Variants in SLCO5A1 observed in about 807,000 individuals in gnomAD.
SLCO5A1 encodes solute carrier organic anion transporter family member 5A1.
A neutral mutation model predicts 65.1 loss-of-function variants in SLCO5A1; 39 were observed. The ratio of observed to expected loss-of-function variants is 0.60; its 90% CI spans 0.46 to 0.78. The LOEUF is 0.78. Among genes scored for constraint, SLCO5A1 ranks in the 30% least tolerant of loss-of-function variants. The pLI is 0.00. For missense variants in SLCO5A1, 1,029 were observed against 1,069.4 expected, an observed-to-expected ratio of 0.96 and a Z score of 0.53; for synonymous variants, 438 against 415.7, an observed-to-expected ratio of 1.05 and a Z score of -0.65.
chr8:69,687,740 CAT>C (rs1814064244), intron 6 of SLCO5A1, among the ~76,000 whole-genome samples: 3 of 152,042 alleles, frequency 2.0e-5, no homozygotes, highest in Admixed American at 2.0e-4. Context: ...ACATTAATAA[CAT>C]ATTGCTACCA....
intron 2 of SLCO5A1, among the ~76,000 whole-genome samples, chr8:69,789,345 C>T (rs1032729810): frequency 6.6e-6 from 1 of 152,150 alleles, no homozygotes; most frequent in East Asian, 1.9e-4. Flanking sequence ...AAATTAAAAC[C>T]TAGGAGAATA....
rs973349244 is a variant in SLCO5A1 at position 69,667,057 on chromosome 8, C to A, written c.*5812G>T. 6.6e-6 allele frequency: 1 copy of A among 152,196 alleles called. No homozygotes were observed. The allele number at this position is 152,196 out of a possible 1,614,324, so 9.4% of individuals were successfully genotyped here. On this transcript the variant is annotated 3_prime_UTR_variant, in exon 10 of 10. Transcript: ENST00000260126. Reference sequence around the variant, plus strand: ...TAGAAACAATTTCATTTCAGTCCAACACACTTTATTCATTTTTAACTTTTT... The same window carrying A: ...TAGAAACAATTTCATTTCAGTCCAAAACACTTTATTCATTTTTAACTTTTT...
At chr8:69,697,991 C>T (rs141366830) in intron 6 of SLCO5A1, among the ~76,000 whole-genome samples, 1 of 152,104 alleles carries the variant, frequency 6.6e-6, no homozygotes, top group South Asian at 2.1e-4. Flanking sequence ...ACTCAATGGG[C>T]AGTTTTTCCA....
chr8:69,721,646 G>A (rs892744973), intron 5 of SLCO5A1, among the ~76,000 whole-genome samples: 1 of 152,102 alleles, frequency 6.6e-6, no homozygotes, highest in Non-Finnish European at 1.5e-5. Context: ...TTTTGAAGGA[G>A]CAGGTGCTCA....
chr8:69,815,686 AC>A (rs1820376238), intron 2 of SLCO5A1, among the ~76,000 whole-genome samples: 1 of 150,734 alleles, frequency 6.6e-6, no homozygotes, highest in Non-Finnish European at 1.5e-5. Flanking sequence ...ACACACACAC[AC>A]ACAAAATTAC....
intron 6 of SLCO5A1, among the ~76,000 whole-genome samples, chr8:69,682,826 G>C (rs535652847): frequency 6.6e-6 from 1 of 152,008 alleles, no homozygotes; most frequent in Non-Finnish European, 1.5e-5. Context: ...ACGTTCCTTC[G>C]ACCAAAAACT....
chr8:69,832,501 T>A lies in SLCO5A1; in HGVS notation c.173A>T (p.Asn58Ile), dbSNP rs753631880. ...PSLSPTSGDANPAFGCVDSSG... is the reference protein window; with the variant it reads ...PSLSPTSGDAIPAFGCVDSSG... The stretch of plus-strand genomic sequence containing the variant: ...AGAATCCACACAGCCAAAGGCCGGG[T>A]TGGCGTCTCCACTAGTGGGACTGAG... The change falls in exon 2 of 10, where the codon AAC becomes ATC. Residue 58 changes from asparagine (N) to isoleucine (I), a missense_variant. This residue lies in a region of SLCO5A1 where 647 missense variants were observed against 647.5 expected (regional missense o/e 1.00). Coordinates refer to ENST00000260126, the MANE Select transcript of SLCO5A1 (RefSeq NM_030958.3). This position sits in a 1 kb window ranked among gnomAD's most constrained non-coding sequence, Gnocchi z 4.5. 1 of 1,610,024 alleles carries A rather than the reference T, an allele frequency of 6.2e-7. No homozygotes were observed. The highest frequency in any genetic ancestry group is 8.5e-7 in the Non-Finnish European group (1 of 1,178,468).
At chr8:69,769,288 T>C (rs16936421) in intron 2 of SLCO5A1, among the ~76,000 whole-genome samples, 3,868 of 151,590 alleles carry the variant, frequency 0.026, 160 homozygotes, top group African/African-American at 0.089. Context: ...CACCCATTCA[T>C]CACTTTTTTC....
intron 2 of SLCO5A1, among the ~76,000 whole-genome samples, chr8:69,788,503 T>C (rs899564422): frequency 6.6e-6 from 1 of 152,162 alleles, no homozygotes; most frequent in African/African-American, 2.4e-5. Context: ...ATCCAAATCA[T>C]GCCAACTCAG....
intron 3 of SLCO5A1, among the ~76,000 whole-genome samples, chr8:69,756,336 C>T (rs1450086072): frequency 6.6e-6 from 1 of 151,960 alleles, no homozygotes; most frequent in Non-Finnish European, 1.5e-5. Flanking sequence ...ACTTGGGAGG[C>T]GGATGTTGCA....
At chr8:69,695,433 T>G (rs901186081) in intron 6 of SLCO5A1, among the ~76,000 whole-genome samples, 13 of 152,020 alleles carry the variant, frequency 8.6e-5, no homozygotes, top group Non-Finnish European at 1.8e-4. Flanking sequence ...GGGGCGGAGG[T>G]TGCAGTGAGC....
rs138620020 is a variant in SLCO5A1, at chr8:69,705,191, G to C, written c.1462C>G (p.Leu488Val). ...IVPSAGVGIV[L>V]GGYIIKKLKL... is the part of the protein sequence containing the mutation. ...AATTTTTTTATAATGTAGCCTCCGAGGACAATACCAACACCAGCACTGGGG... is the reference window on the plus strand; with the variant it reads ...AATTTTTTTATAATGTAGCCTCCGACGACAATACCAACACCAGCACTGGGG... Residue 488 changes from leucine to valine, a missense_variant, in exon 6 of 10, where the codon CTC becomes GTC. Coordinates refer to ENST00000260126, the MANE Select transcript of SLCO5A1 (RefSeq NM_030958.3). The C allele has an allele frequency of 1.1e-5, 18 of 1,614,006 alleles. No individual in the cohort carries two copies. The highest frequency in any genetic ancestry group is 1.4e-5 in the Non-Finnish European group (17 of 1,180,040).
intron 5 of SLCO5A1, among the ~76,000 whole-genome samples, chr8:69,707,233 A>T (rs1815012552): frequency 6.6e-6 from 1 of 152,212 alleles, no homozygotes; most frequent in South Asian, 2.1e-4. Context: ...ACAACTTAAT[A>T]GAAATTAGAA....
chr8:69,762,076 C>T (rs559853739), intron 2 of SLCO5A1, among the ~76,000 whole-genome samples: 1 of 152,218 alleles, frequency 6.6e-6, no homozygotes, highest in South Asian at 2.1e-4. Context: ...CCTCTTAGAG[C>T]GTAAGAATCA....
chr8:69,805,873 G>A (rs1422807925), intron 2 of SLCO5A1, among the ~76,000 whole-genome samples: 1 of 152,202 alleles, frequency 6.6e-6, no homozygotes, highest in Non-Finnish European at 1.5e-5. Context: ...GAAGCAAAGC[G>A]TGGCAGATGA....
At chr8:69,817,959 C>T (rs1820474252) in intron 2 of SLCO5A1, among the ~76,000 whole-genome samples, 1 of 152,190 alleles carries the variant, frequency 6.6e-6, no homozygotes. Flanking sequence ...CTTGCAGACT[C>T]ACCTCCGATA....
In SLCO5A1 at chr8:69,798,824, T is replaced by C. The variant is rs117750020; in HGVS notation, c.907+32943A>G. Among the ~76,000 whole-genome samples the C allele has an allele frequency of 9.4e-3, 1,434 of 152,348 alleles. 9 individuals are homozygous for C. The highest frequency in any genetic ancestry group is 0.014 in the Admixed American group (221 of 15,312). ...AGAGGAAGCTGAAAGTAAAGAAGGATTAAAGAAAGGCTTTCCATAGAATGC... is the reference window on the plus strand; with the variant it reads ...AGAGGAAGCTGAAAGTAAAGAAGGACTAAAGAAAGGCTTTCCATAGAATGC... On this transcript the variant is annotated intron_variant, in intron 2 of 9. Transcript: ENST00000260126.
chr8:69,688,340 TTTA>T (rs1185698688), intron 6 of SLCO5A1, among the ~76,000 whole-genome samples: 2 of 152,104 alleles, frequency 1.3e-5, no homozygotes, highest in East Asian at 1.9e-4. Flanking sequence ...AAATTTTTTT[TTTA>T]TTATTATTAT....
chr8:69,668,028 C>G lies in SLCO5A1; in HGVS notation c.*4841G>C, dbSNP rs1813231440. ...AGTGGTGAACATGCGTCATTAAATA[C>G]TTTTTAGCACCAAGGCATTTTTTTT... is the stretch of plus-strand genomic sequence containing the variant. On this transcript the variant is annotated 3_prime_UTR_variant, in exon 10 of 10. Transcript: ENST00000260126. 6.6e-6 allele frequency: 1 copy of G among 152,204 alleles called. No homozygotes were observed. Among genetic ancestry groups the G allele is most frequent in the Non-Finnish European group, 1.5e-5 (1 of 68,036 alleles). 9.4% of individuals were successfully genotyped at this position (152,204 alleles called of 1,614,324 possible). A position where few individuals can be genotyped will look rare whatever the true frequency, so the allele number is the denominator to read the frequency against.
Sources: allele counts gnomAD v4.1 joint callset (sites outside exome capture counted in the v4.1 genomes callset), GRCh38; gene constraint gnomAD v4.1.1; regional missense constraint gnomAD v4.1.1; non-coding constraint Gnocchi (gnomAD v3.1); transcripts MANE v1.5; gene names NCBI Gene and HGNC (gene_info 2026-07-23, HGNC 2026-07-21).